CHLSN: variants seen among roughly 807,000 people sequenced by gnomAD.
CHLSN encodes the protein protein cholesin.
the CHLSN span, among the ~76,000 whole-genome samples, chr7:1,080,429 G>A: frequency 5.3e-5 from 8 of 152,324 alleles, no homozygotes; most frequent in African/African-American, 1.9e-4. Flanking sequence ...GGGACAGCCA[G>A]GCTCGGAGGC....
the CHLSN span, among the ~76,000 whole-genome samples, chr7:1,096,676 C>T: frequency 3.3e-5 from 5 of 152,358 alleles, no homozygotes; most frequent in South Asian, 2.1e-4. The surrounding 1 kb of genome is among the most constrained non-coding windows in gnomAD (Gnocchi z 4.6). Context: ...CTCAAAAGTA[C>T]ATAGCTGCAA....
the CHLSN span, chr7:1,092,485 C>T: frequency 5.0e-6 from 8 of 1,607,566 alleles, no homozygotes; most frequent in Admixed American, 6.7e-5. Flanking sequence ...GCTGCGGCCC[C>T]GGCGGCAGAA....
the CHLSN span, among the ~76,000 whole-genome samples, chr7:1,066,571 G>C: frequency 1.3e-5 from 2 of 152,344 alleles, no homozygotes; most frequent in East Asian, 1.9e-4. Context: ...AGGAGAGAAG[G>C]GGGGACGAGG....
At chr7:1,078,388 G>A in the CHLSN span, among the ~76,000 whole-genome samples, 3 of 152,128 alleles carry the variant, frequency 2.0e-5, no homozygotes, top group Admixed American at 2.0e-4. Context: ...CCACCCAGAA[G>A]ACGAAGGCCT....
the CHLSN span, among the ~76,000 whole-genome samples, chr7:1,008,342 G>A: frequency 1.3e-5 from 2 of 152,202 alleles, no homozygotes; most frequent in Admixed American, 6.5e-5. Flanking sequence ...GGCCCTGCCT[G>A]CAGAGAAGCA....
chr7:1,006,147 A>G, the CHLSN span, among the ~76,000 whole-genome samples: 1 of 152,210 alleles, frequency 6.6e-6, no homozygotes, highest in South Asian at 2.1e-4. Context: ...CAACCCAGAG[A>G]CCCACAGAAA....
the CHLSN span, among the ~76,000 whole-genome samples, chr7:1,046,381 A>C: frequency 6.6e-6 from 1 of 152,162 alleles, no homozygotes; most frequent in East Asian, 1.9e-4. Context: ...GTTTTCTGTC[A>C]ACAGTGTTTC....
At chr7:1,035,992 G>A in the CHLSN span, among the ~76,000 whole-genome samples, 22 of 152,206 alleles carry the variant, frequency 1.4e-4, no homozygotes, top group African/African-American at 4.6e-4. Context: ...AGCATTCTGC[G>A]AAGTGACAGG....
the CHLSN span, among the ~76,000 whole-genome samples, chr7:1,085,420 G>A: frequency 2.0e-5 from 3 of 152,274 alleles, no homozygotes; most frequent in Admixed American, 6.5e-5. Flanking sequence ...CTCCTGGCCA[G>A]CTGTGAGGCC....
the CHLSN span, among the ~76,000 whole-genome samples, chr7:1,010,487 CG>C: frequency 6.6e-6 from 1 of 152,318 alleles, no homozygotes; most frequent in Admixed American, 6.5e-5. Flanking sequence ...AGATCCGGGC[CG>C]GCCCCCAGGG....
At chr7:1,002,608 T>G in the CHLSN span, among the ~76,000 whole-genome samples, 1 of 56,626 alleles carries the variant, frequency 1.8e-5, no homozygotes, top group Non-Finnish European at 3.4e-5. Context: ...TGTGGGTGAG[T>G]GGAGTCCTGC....
chr7:1,118,682 C>T, the CHLSN span, among the ~76,000 whole-genome samples: 1 of 151,032 alleles, frequency 6.6e-6, no homozygotes, highest in African/African-American at 2.4e-5. Flanking sequence ...TTCTTATGGC[C>T]GGGAAAGGTG....
the CHLSN span, chr7:1,026,897 T>C: frequency 5.3e-5 from 8 of 152,264 alleles, no homozygotes; most frequent in African/African-American, 1.9e-4. Context: ...GTGTGCTCTG[T>C]GCTGTCAGGA....
chr7:1,068,509 C>A, the CHLSN span, among the ~76,000 whole-genome samples: 16 of 152,258 alleles, frequency 1.1e-4, no homozygotes, highest in African/African-American at 3.4e-4. Flanking sequence ...AAAATCAGTT[C>A]TCAGTGAAGG....
At chr7:1,108,426 C>T in the CHLSN span, among the ~76,000 whole-genome samples, 1 of 152,194 alleles carries the variant, frequency 6.6e-6, no homozygotes, top group African/African-American at 2.4e-5. Flanking sequence ...GGCTGCTCTC[C>T]TTGGCGGGCC....
chr7:1,040,793 A>G, the CHLSN span, among the ~76,000 whole-genome samples: 1 of 152,210 alleles, frequency 6.6e-6, no homozygotes, highest in Non-Finnish European at 1.5e-5. Flanking sequence ...TAAGCTATGG[A>G]CTGGGACAAA....
At chr7:1,026,516 A>C in the CHLSN span, 1 of 152,230 alleles carries the variant, frequency 6.6e-6, no homozygotes, top group Admixed American at 6.5e-5. Flanking sequence ...TGTTTCTAAG[A>C]CAGGCAGGCA....
At chr7:1,116,978 A>AC in the CHLSN span, among the ~76,000 whole-genome samples, 6 of 32,312 alleles carry the variant, frequency 1.9e-4, 1 homozygote, top group Admixed American at 8.1e-4. Context: ...CTGCAGTTCT[A>AC]GGACCGGCTT....
At chr7:1,134,818 A>C in the CHLSN span, among the ~76,000 whole-genome samples, 1 of 152,030 alleles carries the variant, frequency 6.6e-6, no homozygotes, top group African/African-American at 2.4e-5. Context: ...CGGAGCTTGC[A>C]GTGAGCCGAG....
Sources: gnomAD v4.1 joint callset for allele counts (sites outside exome capture counted in the v4.1 genomes callset) on GRCh38, gnomAD v4.1.1 for gene constraint, Gnocchi (gnomAD v3.1) non-coding constraint, MANE v1.5 for transcripts, NCBI Gene and HGNC (gene_info 2026-07-23, HGNC 2026-07-21) for gene names.